The following VIPR1 variants were observed in gnomAD, a reference collection of about 807,000 sequenced individuals.
VIPR1 encodes the protein vasoactive intestinal peptide receptor 1.
In VIPR1, 59 loss-of-function variants were observed where a neutral mutation model predicts 58.8. That is an observed-to-expected ratio of 1.00 (90% CI 0.81 to 1.25). The LOEUF is 1.25. Ranked by LOEUF, VIPR1 falls within the 50% of genes most tolerant of loss-of-function variation. The pLI, the probability that VIPR1 is intolerant of heterozygous loss-of-function variation, is 0.00. For missense variants in VIPR1, 626 were observed against 602.7 expected (o/e 1.04, Z -0.40); for synonymous variants, 251 against 242.1 (o/e 1.04, Z -0.34).
intron 2 of VIPR1, among the ~76,000 whole-genome samples, chr3:42,514,985 T>C (rs568837621): frequency 2.0e-5 from 3 of 152,084 alleles, no homozygotes; most frequent in African/African-American, 4.8e-5. Context: ...GAGTGGGGCA[T>C]GGTTGGCAGG....
rs1699920325 is a variant in VIPR1 at position 42,502,696 on chromosome 3, T to C, written c.-40T>C. On this transcript the variant is annotated 5_prime_UTR_variant, in exon 1 of 13. Coordinates refer to ENST00000325123, the MANE Select transcript of VIPR1 (RefSeq NM_004624.4). ...CCTGGTGCGCCGCCCGCCAGCTCTT[T>C]GCCCGCGCGGGGCCGCCCGCCGCGG... 7.9e-7 allele frequency: 1 copy of C among 1,272,224 alleles called. No individual in the cohort carries two copies. Among genetic ancestry groups the C allele is most frequent in the East Asian group, 3.2e-5 (1 of 30,794 alleles). 78.8% of individuals were successfully genotyped at this position (1,272,224 alleles called of 1,614,324 possible).
intron 5 of VIPR1, 118 bp from the exon 6 acceptor site, chr3:42,527,873 C>G (rs1320639679): frequency 1.4e-6 from 2 of 1,411,600 alleles, no homozygotes; most frequent in Non-Finnish European, 1.9e-6. Flanking sequence ...GAGGCGGGGC[C>G]TGCCCTCTGG....
At chr3:42,534,624 C>G (rs1701746907) in intron 10 of VIPR1, 2 of 171,424 alleles carry the variant, frequency 1.2e-5, no homozygotes, top group Admixed American at 6.0e-5. Context: ...GCCCAGGCAA[C>G]AGAACTCCCA....
chr3:42,529,166 A>T (rs926029224), intron 6 of VIPR1, among the ~76,000 whole-genome samples: 1 of 152,204 alleles, frequency 6.6e-6, no homozygotes, highest in Admixed American at 6.5e-5. Flanking sequence ...TAAAGAGCTG[A>T]GTTATGGCCA....
At chr3:42,519,453 C>A in intron 3 of VIPR1, 123 bp downstream of exon 3, 1 of 724,112 alleles carries the variant, frequency 1.4e-6, no homozygotes, top group Non-Finnish European at 2.1e-6. Flanking sequence ...GAGGGACTCC[C>A]TGGCAGAGGA....
chr3:42,519,177 C>A, intron 2 of VIPR1, 46 bp from the exon 3 acceptor site: 1 of 1,501,508 alleles, frequency 6.7e-7, no homozygotes, highest in Non-Finnish European at 9.0e-7. Context: ...GGGCTGGAGG[C>A]ACCTGCACTG....
At chr3:42,496,855 C>A (rs917682832) in intron 1 of VIPR1, among the ~76,000 whole-genome samples, 2 of 152,178 alleles carry the variant, frequency 1.3e-5, no homozygotes. Context: ...AACAAACAAT[C>A]TTTATTTTTA....
Position 42,519,296 on chromosome 3 carries a change from T to C in VIPR1, c.258T>C (p.Cys86=), listed in dbSNP as rs1287586751. ...TPRGQVVVLA[C]PLIFKLFSSI... ...GGGGCCAGGTAGTTGTCTTGGCCTG[T>C]CCCCTCATCTTCAAGCTCTTCTCCT... is the stretch of plus-strand genomic sequence containing the variant. The change falls in exon 3 of 13, where the codon TGT becomes TGC. Residue 86 remains cysteine, a synonymous_variant. Transcript: ENST00000325123. 1.9e-6 allele frequency: 3 copies of C among 1,610,368 alleles called. No homozygotes were observed. Among genetic ancestry groups the C allele is most frequent in the East Asian group, 2.2e-5 (1 of 44,556 alleles).
intron 5 of VIPR1, 113 bp downstream of exon 5, chr3:42,527,609 C>A: frequency 2.0e-6 from 2 of 982,508 alleles, no homozygotes; most frequent in South Asian, 1.4e-5. Flanking sequence ...TGCCCCCCAG[C>A]AGCACATACT....
chr3:42,503,016 C>T (rs1004490998), intron 1 of VIPR1, among the ~76,000 whole-genome samples: 11 of 152,312 alleles, frequency 7.2e-5, no homozygotes, highest in African/African-American at 2.4e-4. Flanking sequence ...GTGCCCAGTC[C>T]CTCCCAGCGC....
chr3:42,517,626 C>T (rs773851010), intron 2 of VIPR1, among the ~76,000 whole-genome samples: 11 of 152,222 alleles, frequency 7.2e-5, no homozygotes, highest in Non-Finnish European at 1.5e-4. Flanking sequence ...CCTAACTATT[C>T]CCCTCCATCA....
chr3:42,520,789 AGGGTCTCTTTG>A (rs540911964), intron 3 of VIPR1, among the ~76,000 whole-genome samples: 141 of 152,234 alleles, frequency 9.3e-4, no homozygotes, highest in African/African-American at 3.3e-3. Flanking sequence ...GGTAGACCCC[AGGGTCTCTTTG>A]GGGTAAGCCA....
At chr3:42,513,650 A>G (rs1700471973) in intron 1 of VIPR1, 99 bp from the exon 2 acceptor site, 2 of 1,258,930 alleles carry the variant, frequency 1.6e-6, no homozygotes, top group African/African-American at 3.0e-5. Flanking sequence ...TGGAACTTGG[A>G]TCTCTTCCAG....
chr3:42,520,473 A>G (rs1367440239), intron 3 of VIPR1, among the ~76,000 whole-genome samples: 1 of 152,076 alleles, frequency 6.6e-6, no homozygotes, highest in Non-Finnish European at 1.5e-5. Flanking sequence ...TGATGGCTTG[A>G]ATTCAGGTAG....
At chr3:42,534,900 G>A (rs1027883081) in intron 10 of VIPR1, 75 bp from the exon 11 acceptor site, 4 of 1,561,318 alleles carry the variant, frequency 2.6e-6, no homozygotes, top group Non-Finnish European at 3.5e-6. Context: ...GCCTCCAGCT[G>A]CCCCCATGCC....
rs1014283763 is a variant in VIPR1 at position 42,537,226 on chromosome 3, A to T, written c.*945A>T. 4 of 152,254 alleles carry T rather than the reference A, an allele frequency of 2.6e-5. No homozygotes were observed. The highest frequency in any genetic ancestry group is 9.6e-5 in the African/African-American group (4 of 41,460). 9.4% of individuals were successfully genotyped at this position (152,254 alleles called of 1,614,324 possible). The stretch of plus-strand genomic sequence containing the variant: ...CAGAAAGCAGATACCTCACCCTGCT[A>T]CACATACAGGATTTGAACTCAGATC... On this transcript the variant is annotated 3_prime_UTR_variant, in exon 13 of 13. Coordinates refer to ENST00000325123, the MANE Select transcript of VIPR1 (RefSeq NM_004624.4).
chr3:42,521,979 C>T (rs1700945641), intron 3 of VIPR1, among the ~76,000 whole-genome samples: 1 of 150,286 alleles, frequency 6.7e-6, no homozygotes, highest in Non-Finnish European at 1.5e-5. Flanking sequence ...AACTCCTGAC[C>T]TCATGATCCT....
intron 1 of VIPR1, chr3:42,509,830 C>T (rs749706219): frequency 1.3e-5 from 2 of 152,360 alleles, no homozygotes; most frequent in Non-Finnish European, 2.9e-5. Flanking sequence ...AGGGACTAAC[C>T]AAGTCTTGTT....
At chr3:42,523,081 C>T (rs1270140706) in intron 3 of VIPR1, among the ~76,000 whole-genome samples, 3 of 137,454 alleles carry the variant, frequency 2.2e-5, no homozygotes, top group East Asian at 4.4e-4. Context: ...GTTGCATGCC[C>T]TGACCCCGCC....
Sources: allele counts gnomAD v4.1 joint callset (sites outside exome capture counted in the v4.1 genomes callset), GRCh38; gene constraint gnomAD v4.1.1; transcripts MANE v1.5; gene names NCBI Gene and HGNC (gene_info 2026-07-23, HGNC 2026-07-21).